Variants in PAK6 observed in about 807,000 individuals in gnomAD.
PAK6 encodes serine/threonine-protein kinase PAK 6.
A neutral mutation model predicts 60.8 loss-of-function variants in PAK6; 33 were observed. The observed-to-expected ratio is 0.54, with a 90% CI of 0.41 to 0.73. The LOEUF (loss-of-function observed/expected upper bound fraction) is 0.73. Among genes scored for constraint, PAK6 ranks in the 30% least tolerant of loss-of-function variants. The pLI, the probability that PAK6 is intolerant of heterozygous loss-of-function variation, is 0.00. For synonymous variants in PAK6, 404 were observed against 378.5 expected (o/e 1.07, Z -0.78); for missense variants, 845 against 904.1 (o/e 0.93, Z 0.84).
At chr15:40,274,414 C>T (rs2039393140) in intron 10 of PAK6, 138 bp downstream of exon 10, 1 of 925,004 alleles carries the variant, frequency 1.1e-6, no homozygotes, top group Non-Finnish European at 1.6e-6. Flanking sequence ...TCTTTCCCCA[C>T]ACAAAACCCG....
intron 3 of PAK6, among the ~76,000 whole-genome samples, chr15:40,254,018 A>G (rs531188494): frequency 2.0e-5 from 3 of 152,156 alleles, no homozygotes; most frequent in Admixed American, 6.5e-5. Flanking sequence ...GCCTGGTTCC[A>G]TGCAAGGTGA....
At chr15:40,275,948 T>G in exon 11 of PAK6, 2 of 1,613,266 alleles carry the variant, frequency 1.2e-6, no homozygotes, top group East Asian at 2.2e-5. Flanking sequence ...GCTGCGAGAC[T>G]TCCTGGAGCG....
At chr15:40,250,415 C>T (rs1465777653) in intron 2 of PAK6, among the ~76,000 whole-genome samples, 1 of 152,154 alleles carries the variant, frequency 6.6e-6, no homozygotes, top group Non-Finnish European at 1.5e-5. Flanking sequence ...GTCTTGTATC[C>T]AGTTCTCTGG....
At chr15:40,253,982 T>C (rs1006279187) in intron 3 of PAK6, among the ~76,000 whole-genome samples, 3 of 152,126 alleles carry the variant, frequency 2.0e-5, no homozygotes, top group African/African-American at 4.8e-5. Context: ...CGGTGTGGCA[T>C]AGGTTGCCGC....
intron 3 of PAK6, among the ~76,000 whole-genome samples, chr15:40,255,564 G>T (rs1341681342): frequency 6.6e-6 from 1 of 152,222 alleles, no homozygotes; most frequent in Non-Finnish European, 1.5e-5. Flanking sequence ...TCCCCCGCAG[G>T]TGACAGCTGA....
chr15:40,272,750 G>A, intron 6 of PAK6, 29 bp downstream of exon 6: 1 of 1,577,858 alleles, frequency 6.3e-7, no homozygotes. Flanking sequence ...ACACAGACGG[G>A]GGCGTTGGGG....
At chr15:40,261,919 C>G (rs1184394598) in intron 3 of PAK6, among the ~76,000 whole-genome samples, 1 of 150,526 alleles carries the variant, frequency 6.6e-6, no homozygotes, top group African/African-American at 2.5e-5. Flanking sequence ...GAATGGCTCA[C>G]TATTAGAATG....
chr15:40,253,137 C>G (rs1037475947), intron 2 of PAK6, 41 bp from the exon 3 acceptor site: 1 of 446,672 alleles, frequency 2.2e-6, no homozygotes, highest in Non-Finnish European at 4.5e-6. Context: ...GGAACACTTG[C>G]TACATTTGCC....
At chr15:40,252,807 G>A (rs766028201) in intron 2 of PAK6, 10 of 1,296,760 alleles carry the variant, frequency 7.7e-6, no homozygotes, top group African/African-American at 6.1e-5. Context: ...CGCCAGGCGA[G>A]GGGCCTTGGG....
intron 10 of PAK6, among the ~76,000 whole-genome samples, chr15:40,275,626 G>A (rs2039436050): frequency 1.3e-5 from 2 of 152,052 alleles, no homozygotes; most frequent in Non-Finnish European, 2.9e-5. Context: ...GGCAGACAGG[G>A]CAAGCATACT....
Position 40,266,382 on chromosome 15 carries a change from C to T in PAK6, c.745C>T (p.Pro249Ser), listed in dbSNP as rs371445081. The T allele has an allele frequency of 6.8e-6, 11 of 1,612,946 alleles. No individual in the cohort carries two copies. In the South Asian group the frequency reaches 7.7e-5, roughly 11 times the overall value. The change falls in exon 5 of 11, where the codon CCT (proline) becomes TCT (serine). Residue 249 changes from proline (P) to serine (S), a missense_variant. Physicochemically the swap from Pro to Ser is moderately conservative, Grantham distance 74 (BLOSUM62 -1). Transcript: ENST00000560346. ...GCCAGGTGGGGAAGGCAGCCCTAGC[C>T]CTAAGACCCGGGAGAGCAGCCTGAA...
intron 3 of PAK6, chr15:40,263,804 A>G (rs1370044152): frequency 2.1e-5 from 9 of 425,104 alleles, no homozygotes; most frequent in South Asian, 4.9e-5. Flanking sequence ...TTTAGTCAAG[A>G]CAGGTTTTCA....
chr15:40,246,582 G>C (rs11070259), intron 2 of PAK6: 60,928 of 152,006 alleles, frequency 0.4, 13,343 homozygotes, highest in Non-Finnish European at 0.5. Flanking sequence ...GACAGGAGGA[G>C]GGGCTGCCTC....
chr15:40,268,732 G>A (rs958814934), intron 5 of PAK6, among the ~76,000 whole-genome samples: 1 of 152,184 alleles, frequency 6.6e-6, no homozygotes, highest in African/African-American at 2.4e-5. Context: ...GACAGGGCGT[G>A]GGGGCACAGA....
intron 5 of PAK6, among the ~76,000 whole-genome samples, chr15:40,267,388 T>C (rs538762107): frequency 6.6e-6 from 1 of 152,294 alleles, no homozygotes; most frequent in African/African-American, 2.4e-5. Context: ...CCGCGCGTGG[T>C]GGCTCACGTC....
At chr15:40,261,397 C>T (rs1276986125) in intron 3 of PAK6, among the ~76,000 whole-genome samples, 2 of 151,692 alleles carry the variant, frequency 1.3e-5, no homozygotes, top group Non-Finnish European at 2.9e-5. Flanking sequence ...ATTAGCTGGG[C>T]GTGATGGCGT....
chr15:40,261,398 G>A (rs1440010617), intron 3 of PAK6, among the ~76,000 whole-genome samples: 3 of 151,978 alleles, frequency 2.0e-5, no homozygotes, highest in South Asian at 4.2e-4. Context: ...TTAGCTGGGC[G>A]TGATGGCGTG....
exon 10 of PAK6, chr15:40,274,261 G>A (rs56111625): frequency 5.6e-6 from 9 of 1,607,784 alleles, no homozygotes; most frequent in South Asian, 1.1e-5. Flanking sequence ...CACCCAAGCT[G>A]AAAAACTCTC....
intron 2 of PAK6, among the ~76,000 whole-genome samples, chr15:40,248,997 C>T (rs540782372): frequency 3.3e-5 from 5 of 152,264 alleles, no homozygotes; most frequent in East Asian, 1.9e-4. Context: ...GGACTGGTGG[C>T]TTATAAACAA....
Sources: gnomAD v4.1 joint callset for allele counts (sites outside exome capture counted in the v4.1 genomes callset) on GRCh38, gnomAD v4.1.1 for gene constraint, MANE v1.5 for transcripts, NCBI Gene and HGNC (gene_info 2026-07-23, HGNC 2026-07-21) for gene names.